The following SLIT1 variants were observed in gnomAD, a reference collection of about 807,000 sequenced individuals.
SLIT1 encodes the protein slit guidance ligand 1.
SLIT1 carries 66 observed loss-of-function variants against 186.1 expected under a neutral mutation model. That is an observed-to-expected ratio of 0.35 (90% confidence interval 0.29 to 0.44). SLIT1 has a LOEUF of 0.44. Among genes scored for constraint, SLIT1 ranks in the 20% least tolerant of loss-of-function variants. SLIT1 has a pLI of 1.00. For missense variants in SLIT1, 1,638 were observed against 2,037.4 expected, an observed-to-expected ratio of 0.80 and a Z score of 3.77; for synonymous variants, 761 against 833.8, an observed-to-expected ratio of 0.91 and a Z score of 1.50.
chr10:97,181,103 A>G (rs1211563060), intron 1 of SLIT1, among the ~76,000 whole-genome samples: 1 of 152,164 alleles, frequency 6.6e-6, no homozygotes, highest in Non-Finnish European at 1.5e-5. Context: ...GTCTCAGAGC[A>G]GGGAGAGGCA....
chr10:97,034,107 C>T lies in SLIT1; in HGVS notation c.2438+364G>A, dbSNP rs188918074. Among the ~76,000 whole-genome samples the T allele has an allele frequency of 8.9e-3, 1,348 of 152,270 alleles. 23 individuals carry two copies. Among genetic ancestry groups the T allele is most frequent in the African/African-American group, 0.031 (1,276 of 41,558 alleles). ...CTTGAATTCCTGACCTCAAGTGATT[C>T]ACCTGCCTCTGCCTCCCAAAGTGCT... is the stretch of plus-strand genomic sequence containing the variant. On this transcript the variant is annotated intron_variant, in intron 23 of 36. Transcript: ENST00000266058.
intron 4 of SLIT1, among the ~76,000 whole-genome samples, chr10:97,073,526 A>C (rs1349623985): frequency 6.6e-6 from 1 of 152,182 alleles, no homozygotes; most frequent in Non-Finnish European, 1.5e-5. Context: ...GGGGCAGGAC[A>C]GTGACGAGGG....
rs1395101129 is a variant in SLIT1, at chr10:96,998,150, C to T, written c.*2962G>A. ...CCCTCATGGGCCTGTTCTAAACCAG[C>T]CTCTAGGAGTTGATCCAAACAAGAC... On this transcript the variant is annotated 3_prime_UTR_variant, in exon 37 of 37. Transcript: ENST00000266058. The T allele has an allele frequency of 6.6e-6, 1 of 152,232 alleles. No homozygotes were observed. Among genetic ancestry groups the T allele is most frequent in the African/African-American group, 2.4e-5 (1 of 41,436 alleles). The allele number at this position is 152,232 out of a possible 1,614,324, so 9.4% of individuals were successfully genotyped here. A position where few individuals can be genotyped will look rare whatever the true frequency, so the allele number is the denominator to read the frequency against.
chr10:97,090,058 G>A (rs1039816144), intron 4 of SLIT1, among the ~76,000 whole-genome samples: 10 of 152,202 alleles, frequency 6.6e-5, no homozygotes, highest in East Asian at 5.8e-4. Flanking sequence ...CATCCTCGCC[G>A]CTGCTGTTCA....
At position 97,001,269 on chromosome 10, in the gene SLIT1, AG is replaced by A; in HGVS notation, c.4447del (p.Leu1483CysfsTer21). 1 of 1,613,162 alleles carries A rather than the reference AG, an allele frequency of 6.2e-7. No individual in the cohort carries two copies. The highest frequency in any genetic ancestry group is 8.5e-7 in the Non-Finnish European group (1 of 1,179,966). ...CGAGCCCCGGCACTCCACCCATGAC[AG>A]GGGGCGCGTGGTCTGGCAGATGGCA... ...GYAICQTTRP[L>X]SWVECRGSCP... On this transcript the variant is annotated frameshift_variant, in exon 37 of 37. Transcript: ENST00000266058. LOFTEE classifies it high-confidence loss of function.
chr10:97,017,806 G>A (rs891113795), intron 28 of SLIT1, among the ~76,000 whole-genome samples: 8 of 152,208 alleles, frequency 5.3e-5, no homozygotes, highest in South Asian at 2.1e-4. Flanking sequence ...CAGGCTCTTC[G>A]AGGGAGATTG....
At chr10:97,159,936 A>G (rs1850004691) in intron 3 of SLIT1, among the ~76,000 whole-genome samples, 1 of 152,200 alleles carries the variant, frequency 6.6e-6, no homozygotes, top group African/African-American at 2.4e-5. Flanking sequence ...TGAGTTGCTC[A>G]TCTTTGAAAG....
chr10:97,171,562 G>A (rs769765050), intron 1 of SLIT1, among the ~76,000 whole-genome samples: 4 of 152,206 alleles, frequency 2.6e-5, no homozygotes, highest in Non-Finnish European at 4.4e-5. Context: ...GCTCATGCCT[G>A]TAATCCCAGG....
At chr10:97,181,210 C>T (rs769445444) in intron 1 of SLIT1, among the ~76,000 whole-genome samples, 3 of 152,160 alleles carry the variant, frequency 2.0e-5, no homozygotes, top group Non-Finnish European at 2.9e-5. Flanking sequence ...GACTCTTGCC[C>T]TGCAGGGAGG....
chr10:97,139,908 G>C lies in SLIT1; in HGVS notation c.413+17910C>G, dbSNP rs72821735. ...GTGTCCTTGGGGGTCCAACCACGGG[G>C]TCTCAGCAAGGTGCCCATCGCCCCT... On this transcript the variant is annotated intron_variant, in intron 4 of 36. Transcript: ENST00000266058. Among the ~76,000 whole-genome samples the C allele has an allele frequency of 7.7e-3, 1,177 of 152,264 alleles. 8 individuals are homozygous for C. Among genetic ancestry groups the C allele is most frequent in the Admixed American group, 0.013 (199 of 15,302 alleles).
At chr10:97,039,911 C>T (rs1848675112) in intron 21 of SLIT1, 77 bp downstream of exon 21, 1 of 1,547,862 alleles carries the variant, frequency 6.5e-7, no homozygotes. Flanking sequence ...TGGCTAGGCC[C>T]CAGCCCCTCA....
intron 4 of SLIT1, among the ~76,000 whole-genome samples, chr10:97,142,892 G>T (rs553890045): frequency 2.0e-5 from 3 of 152,042 alleles, no homozygotes; most frequent in African/African-American, 7.3e-5. Context: ...ACTAAGATGC[G>T]CAAACTAGTC....
intron 4 of SLIT1, among the ~76,000 whole-genome samples, chr10:97,078,374 C>T (rs1218636239): frequency 6.6e-6 from 1 of 152,124 alleles, no homozygotes; most frequent in Non-Finnish European, 1.5e-5. Context: ...CCTCCACCAC[C>T]ACCAGAGTTA....
chr10:97,160,203 T>A (rs1489869416), intron 3 of SLIT1, among the ~76,000 whole-genome samples: 1 of 152,218 alleles, frequency 6.6e-6, no homozygotes, highest in Non-Finnish European at 1.5e-5. Context: ...GCATCTACTC[T>A]GGAGTTTATA....
intron 34 of SLIT1, among the ~76,000 whole-genome samples, chr10:97,003,221 T>C (rs560903035): frequency 7.2e-4 from 109 of 152,354 alleles, no homozygotes; most frequent in Non-Finnish European, 1.1e-3. Context: ...GCATCAGGCC[T>C]GGTGGTGGCC....
chr10:97,116,094 T>G (rs1849507588), intron 4 of SLIT1, among the ~76,000 whole-genome samples: 1 of 152,004 alleles, frequency 6.6e-6, no homozygotes, highest in African/African-American at 2.4e-5. Flanking sequence ...AAAAGTAGAA[T>G]CAACAAAATA....
intron 28 of SLIT1, among the ~76,000 whole-genome samples, chr10:97,017,691 G>T (rs1358807070): frequency 1.3e-5 from 2 of 152,224 alleles, no homozygotes; most frequent in African/African-American, 4.8e-5. Context: ...CCACCTCTGG[G>T]CAGGCCTCAC....
chr10:97,177,297 C>T (rs11189021), intron 1 of SLIT1, among the ~76,000 whole-genome samples: 32,064 of 152,152 alleles, frequency 0.21, 3,583 homozygotes, highest in Non-Finnish European at 0.25. Flanking sequence ...AAAGCCAAAT[C>T]CACAGCTTCT....
At chr10:97,064,318 A>G in intron 6 of SLIT1, 79 bp from the exon 7 acceptor site, 1 of 1,198,958 alleles carries the variant, frequency 8.3e-7, no homozygotes. Flanking sequence ...GCTAACGAAC[A>G]GGGAGGCTCT....
Sources: gnomAD v4.1 joint callset for allele counts (sites outside exome capture counted in the v4.1 genomes callset) on GRCh38, gnomAD v4.1.1 for gene constraint, MANE v1.5 for transcripts, NCBI Gene and HGNC (gene_info 2026-07-23, HGNC 2026-07-21) for gene names.